INTS15: variants seen among roughly 807,000 people sequenced by gnomAD.
INTS15 encodes uncharacterized protein C7orf26.
chr7:6,608,076 A>AACC, the INTS15 span: 6 of 1,143,470 alleles, frequency 5.2e-6, no homozygotes, highest in Non-Finnish European at 7.1e-6. Context: ...GTCCCGGCCC[A>AACC]CCCCGCCGCC....
chr7:6,596,340 C>A, the INTS15 span, among the ~76,000 whole-genome samples: 2 of 150,734 alleles, frequency 1.3e-5, no homozygotes, highest in African/African-American at 4.9e-5. Context: ...AGGCGTGAGC[C>A]ACTGCGCCCA....
chr7:6,608,377 G>A, the INTS15 span: 4 of 1,409,460 alleles, frequency 2.8e-6, no homozygotes, highest in African/African-American at 1.5e-5. Context: ...AGCCTCTGCC[G>A]AGAGCCTGCT....
At chr7:6,590,027 C>A in the INTS15 span, 1 of 204,208 alleles carries the variant, frequency 4.9e-6, no homozygotes, top group Non-Finnish European at 9.7e-6. Context: ...CGGCATTCGG[C>A]CGCTGTTCGG....
At chr7:6,607,933 C>T in the INTS15 span, 6 of 1,597,238 alleles carry the variant, frequency 3.8e-6, no homozygotes, top group Admixed American at 3.3e-5. This position sits in a 1 kb window ranked among gnomAD's most constrained non-coding sequence, Gnocchi z 6.0. Context: ...AGCCCGCCCG[C>T]GCTGACGCTT....
chr7:6,603,596 C>T, the INTS15 span, among the ~76,000 whole-genome samples: 7 of 150,206 alleles, frequency 4.7e-5, no homozygotes, highest in African/African-American at 9.8e-5. Flanking sequence ...CCCAGCACTT[C>T]GGGAGGCCAA....
chr7:6,602,801 C>G, the INTS15 span: 1,145 of 468,184 alleles, frequency 2.4e-3, 15 homozygotes, highest in African/African-American at 0.021. Flanking sequence ...CCGGGCCTTG[C>G]CACTTCCAAA....
chr7:6,595,880 TTCC>T, the INTS15 span, among the ~76,000 whole-genome samples: 1 of 152,060 alleles, frequency 6.6e-6, no homozygotes, highest in African/African-American at 2.4e-5. Flanking sequence ...CTGTTTCTGA[TTCC>T]TCCTCCTCTG....
chr7:6,608,105 C>T, the INTS15 span: 12 of 1,564,034 alleles, frequency 7.7e-6, no homozygotes, highest in South Asian at 1.1e-4. Context: ...CCTGCCCACG[C>T]ATCCCGGCCA....
the INTS15 span, among the ~76,000 whole-genome samples, chr7:6,596,374 C>CT: frequency 3.0e-5 from 4 of 134,328 alleles, no homozygotes; most frequent in Non-Finnish European, 6.7e-5. Flanking sequence ...TTATCTGTCA[C>CT]CCTTTTTTTT....
the INTS15 span, chr7:6,600,087 A>G: frequency 3.7e-6 from 6 of 1,614,116 alleles, no homozygotes; most frequent in Admixed American, 6.7e-5. Context: ...GTGGGGATGG[A>G]CAGAGACTCC....
At chr7:6,598,867 A>C in the INTS15 span, among the ~76,000 whole-genome samples, 4 of 150,542 alleles carry the variant, frequency 2.7e-5, no homozygotes, top group African/African-American at 9.8e-5. Context: ...GCTGACTGCA[A>C]CCTTCACCTC....
At chr7:6,591,887 C>T in the INTS15 span, 5 of 1,605,544 alleles carry the variant, frequency 3.1e-6, no homozygotes, top group East Asian at 4.5e-5. Flanking sequence ...AAGAGAGACC[C>T]TCGGCCGGGT....
chr7:6,607,690 G>A, the INTS15 span: 1 of 1,526,242 alleles, frequency 6.6e-7, no homozygotes, highest in Middle Eastern at 2.1e-4. This position sits in a 1 kb window ranked among gnomAD's most constrained non-coding sequence, Gnocchi z 6.0. Flanking sequence ...TGACGTGGAG[G>A]CCACCTGTGT....
the INTS15 span, among the ~76,000 whole-genome samples, chr7:6,603,210 A>G: frequency 6.6e-6 from 1 of 152,012 alleles, no homozygotes; most frequent in Non-Finnish European, 1.5e-5. Flanking sequence ...AGAGCATGGC[A>G]CTGCACTCCA....
At chr7:6,600,968 CTT>C in the INTS15 span, among the ~76,000 whole-genome samples, 27 of 151,568 alleles carry the variant, frequency 1.8e-4, no homozygotes, top group African/African-American at 5.8e-4. Context: ...TTTTATTTCT[CTT>C]TATTTATTTT....
the INTS15 span, among the ~76,000 whole-genome samples, chr7:6,603,712 G>GCA: frequency 1.3e-5 from 2 of 151,040 alleles, no homozygotes; most frequent in East Asian, 3.9e-4. Flanking sequence ...GGTGGCGGGT[G>GCA]CCTGTAATCC....
the INTS15 span, among the ~76,000 whole-genome samples, chr7:6,606,695 CTTTT>C: frequency 1.5e-5 from 2 of 137,912 alleles, no homozygotes; most frequent in Non-Finnish European, 3.1e-5. Context: ...CCCAGAGGGC[CTTTT>C]TTTTTTTTTT....
the INTS15 span, chr7:6,608,466 T>C: frequency 7.9e-7 from 1 of 1,260,414 alleles, no homozygotes; most frequent in Non-Finnish European, 1.0e-6. Flanking sequence ...TGGCGAGGAG[T>C]GTGACGGCAG....
chr7:6,590,493 C>T, the INTS15 span: 6 of 1,542,304 alleles, frequency 3.9e-6, no homozygotes, highest in African/African-American at 1.4e-5. Flanking sequence ...CTGAGACGGT[C>T]GGGTTCCCGG....
Sources: allele counts gnomAD v4.1 joint callset (sites outside exome capture counted in the v4.1 genomes callset), GRCh38; gene constraint gnomAD v4.1.1; non-coding constraint Gnocchi (gnomAD v3.1); transcripts MANE v1.5; gene names NCBI Gene and HGNC (gene_info 2026-07-23, HGNC 2026-07-21).